Variants in TENM4 observed in about 807,000 individuals in gnomAD.
TENM4 encodes the protein teneurin-4.
TENM4 carries 82 observed loss-of-function variants against 243.3 expected under a neutral mutation model. The observed-to-expected ratio is 0.34, with a 90% CI of 0.28 to 0.40. The LOEUF is 0.40. Among genes scored for constraint, TENM4 ranks in the 10% least tolerant of loss-of-function variants. The pLI, the probability that TENM4 is intolerant of heterozygous loss-of-function variation, is 1.00. For missense variants in TENM4, 3,138 were observed against 3,673.3 expected (o/e 0.85, Z 3.77); for synonymous variants, 1,412 against 1,456.3 (o/e 0.97, Z 0.69).
At chr11:78,821,644 G>C (rs1293069084) in intron 12 of TENM4, among the ~76,000 whole-genome samples, 1 of 152,318 alleles carries the variant, frequency 6.6e-6, no homozygotes, top group East Asian at 1.9e-4. Flanking sequence ...CAACCAGAAA[G>C]ATTAAAGAAC....
At chr11:79,124,420 C>T (rs544289345) in intron 4 of TENM4, among the ~76,000 whole-genome samples, 3 of 152,184 alleles carry the variant, frequency 2.0e-5, no homozygotes, top group Non-Finnish European at 2.9e-5. Flanking sequence ...CTGGCCTAGC[C>T]TCCCAGCCTA....
intron 2 of TENM4, among the ~76,000 whole-genome samples, chr11:79,256,286 G>A (rs994408626): frequency 4.6e-5 from 7 of 152,154 alleles, no homozygotes; most frequent in African/African-American, 1.7e-4. Flanking sequence ...CTATCTCACC[G>A]GCTTTCTGAA....
At chr11:79,405,847 C>CAAAAAAAAAA (rs763128589) in intron 1 of TENM4, among the ~76,000 whole-genome samples, 2 of 69,264 alleles carry the variant, frequency 2.9e-5, no homozygotes, top group Non-Finnish European at 5.7e-5. Context: ...ATTGTGATTT[C>CAAAAAAAAAA]AAAAAAAAAA....
intron 4 of TENM4, among the ~76,000 whole-genome samples, chr11:79,131,275 G>A (rs1000382116): frequency 2.6e-5 from 4 of 152,180 alleles, no homozygotes; most frequent in African/African-American, 9.7e-5. Context: ...AGAGCTGTGA[G>A]ACAGAAACAC....
At position 79,384,321 on chromosome 11, in the gene TENM4, A is replaced by G. The variant is rs548812456; in HGVS notation, c.-321+56188T>C. ...CAGGCATGCTTCTTGTTTTCATTCA[A>G]CAACAGTCATGGAGCACCTGGTCTG... is the stretch of plus-strand genomic sequence containing the variant. On this transcript the variant is annotated intron_variant, in intron 1 of 33. Transcript: ENST00000278550. 3.9e-5 allele frequency among the ~76,000 whole-genome samples: 6 copies of G among 152,318 alleles called. No individual in the cohort carries two copies. The South Asian group carries it at 1.2e-3, about 32-fold the overall frequency.
In TENM4 at chr11:78,949,518, A is replaced by C. The variant is rs1191687372; in HGVS notation, c.494-45995T>G. On this transcript the variant is annotated intron_variant, in intron 6 of 33. Coordinates refer to ENST00000278550, the MANE Select transcript of TENM4 (RefSeq NM_001098816.3). Reference sequence around the variant, plus strand: ...GGTTTCAAACTTGGAAAAAATCCTAATATTAGAAGTTATCTTTAAATAGGA... The same window carrying C: ...GGTTTCAAACTTGGAAAAAATCCTACTATTAGAAGTTATCTTTAAATAGGA... Among the ~76,000 whole-genome samples the C allele has an allele frequency of 7.9e-5, 12 of 152,236 alleles. 1 individual carries two copies. Among genetic ancestry groups the C allele is most frequent in the Admixed American group, 7.9e-4 (12 of 15,278 alleles).
intron 2 of TENM4, among the ~76,000 whole-genome samples, chr11:79,269,853 T>TTCA (rs1855939810): frequency 6.6e-6 from 1 of 152,222 alleles, no homozygotes; most frequent in African/African-American, 2.4e-5. Context: ...GTGGTTTTAT[T>TTCA]TCATCTATTT....
At chr11:79,141,841 A>G (rs1862289893) in intron 4 of TENM4, among the ~76,000 whole-genome samples, 3 of 152,166 alleles carry the variant, frequency 2.0e-5, no homozygotes, top group Non-Finnish European at 4.4e-5. Context: ...ATGGTTCAAC[A>G]TACAAAAATC....
At chr11:79,084,054 A>G (rs935915869) in intron 4 of TENM4, among the ~76,000 whole-genome samples, 3 of 152,234 alleles carry the variant, frequency 2.0e-5, no homozygotes, top group African/African-American at 7.2e-5. Context: ...AAATGGCCAG[A>G]AGACGTGATC....
intron 6 of TENM4, among the ~76,000 whole-genome samples, chr11:78,914,165 C>T (rs1221795388): frequency 2.0e-5 from 3 of 152,154 alleles, no homozygotes; most frequent in African/African-American, 7.2e-5. Context: ...TTGGGGAAGT[C>T]CCTTTCTTTC....
chr11:79,355,613 T>A (rs773292848), intron 1 of TENM4, among the ~76,000 whole-genome samples: 3 of 102,466 alleles, frequency 2.9e-5, no homozygotes, highest in Non-Finnish European at 6.4e-5. Context: ...AAAGGCCATG[T>A]CTTCCCATTA....
chr11:79,365,124 A>G (rs1430680144), intron 1 of TENM4, among the ~76,000 whole-genome samples: 1 of 152,240 alleles, frequency 6.6e-6, no homozygotes, highest in Non-Finnish European at 1.5e-5. Flanking sequence ...AAGTATAAAT[A>G]GAAAATTGTT....
At chr11:79,394,681 A>C (rs1858304927) in intron 1 of TENM4, among the ~76,000 whole-genome samples, 1 of 152,202 alleles carries the variant, frequency 6.6e-6, no homozygotes, top group South Asian at 2.1e-4. Flanking sequence ...TTTAGAAACA[A>C]GGTCTTTGTG....
chr11:79,131,458 C>G (rs1266405868), intron 4 of TENM4, among the ~76,000 whole-genome samples: 1 of 152,152 alleles, frequency 6.6e-6, no homozygotes. Context: ...AAGGTACAGT[C>G]TTTTTCAGAC....
At chr11:79,147,482 C>A (rs1862415687) in intron 4 of TENM4, among the ~76,000 whole-genome samples, 1 of 152,040 alleles carries the variant, frequency 6.6e-6, no homozygotes, top group African/African-American at 2.4e-5. Flanking sequence ...AGAGTTTTAA[C>A]CTCATGAATT....
chr11:79,407,584 G>A (rs1858599751), intron 1 of TENM4, among the ~76,000 whole-genome samples: 1 of 152,160 alleles, frequency 6.6e-6, no homozygotes, highest in African/African-American at 2.4e-5. Context: ...ATATAAATCA[G>A]GATAGGTGAC....
At chr11:79,424,551 T>A (rs532095339) in intron 1 of TENM4, among the ~76,000 whole-genome samples, 159 of 151,862 alleles carry the variant, frequency 1.0e-3, no homozygotes, top group Non-Finnish European at 1.9e-3. Flanking sequence ...GAGAATCAAT[T>A]ATGCCCAGGA....
At chr11:79,147,050 T>C (rs186462719) in intron 4 of TENM4, among the ~76,000 whole-genome samples, 1 of 152,234 alleles carries the variant, frequency 6.6e-6, no homozygotes, top group African/African-American at 2.4e-5. Flanking sequence ...CATACGTATA[T>C]GCTATTTCAC....
At chr11:78,735,997 G>T (rs1490176910) in intron 20 of TENM4, among the ~76,000 whole-genome samples, 3 of 151,728 alleles carry the variant, frequency 2.0e-5, no homozygotes, top group South Asian at 4.2e-4. Context: ...AGGCTGGAGT[G>T]CAGGAGTACA....
Sources: gnomAD v4.1 joint callset for allele counts (sites outside exome capture counted in the v4.1 genomes callset) on GRCh38, gnomAD v4.1.1 for gene constraint, MANE v1.5 for transcripts, NCBI Gene and HGNC (gene_info 2026-07-23, HGNC 2026-07-21) for gene names.